NUAK1: variants seen among roughly 807,000 people sequenced by gnomAD.
NUAK1 encodes NUAK family SNF1-like kinase 1.
A neutral mutation model predicts 56.9 loss-of-function variants in NUAK1; 26 were observed. That is an observed-to-expected ratio of 0.46 (90% CI 0.33 to 0.63). The LOEUF (loss-of-function observed/expected upper bound fraction) is 0.63, where lower values mean the gene tolerates loss of function less well. NUAK1 is among the 30% of genes least tolerant of loss of function. The probability of loss-of-function intolerance (pLI) is 0.02; values close to 1 mark genes in which losing one functional copy is unlikely to be tolerated. For missense variants in NUAK1, 727 were observed against 876.1 expected (o/e 0.83, Z 2.15); for synonymous variants, 337 against 336.0 (o/e 1.00, Z -0.03).
intron 1 of NUAK1, among the ~76,000 whole-genome samples, chr12:106,108,482 T>A (rs747770856): frequency 6.7e-6 from 1 of 150,122 alleles, no homozygotes. Context: ...CCATTCAGTA[T>A]AGGGCAAGAA....
intron 4 of NUAK1, among the ~76,000 whole-genome samples, chr12:106,083,658 C>T (rs2032541360): frequency 1.3e-5 from 2 of 152,246 alleles, no homozygotes; most frequent in East Asian, 3.9e-4. Context: ...GAACAATGCC[C>T]GGCATATAGT....
Position 106,066,404 on chromosome 12 carries a change from T to G in NUAK1, c.*398A>C. 5.4e-6 allele frequency: 1 copy of G among 185,006 alleles called. No homozygotes were observed. The highest frequency in any genetic ancestry group is 1.1e-5 in the Non-Finnish European group (1 of 87,408). The allele number at this position is 185,006 out of a possible 1,614,324, so 11.5% of individuals were successfully genotyped here. On this transcript the variant is annotated 3_prime_UTR_variant, in exon 7 of 7. Transcript: ENST00000261402. ...TACAAGGAGAAAAGGGGCAAGTTCTTTGGGCTCACCCAAGGCAAACAGCCC... is the reference window on the plus strand; with the variant it reads ...TACAAGGAGAAAAGGGGCAAGTTCTGTGGGCTCACCCAAGGCAAACAGCCC...
intron 2 of NUAK1, among the ~76,000 whole-genome samples, chr12:106,102,921 C>T (rs2032763233): frequency 6.6e-6 from 1 of 152,334 alleles, no homozygotes; most frequent in East Asian, 1.9e-4. Flanking sequence ...CAGCTCCCTC[C>T]TGAGGCCTTG....
chr12:106,119,664 G>T (rs977969952), intron 1 of NUAK1, among the ~76,000 whole-genome samples: 3 of 152,140 alleles, frequency 2.0e-5, no homozygotes, highest in Admixed American at 6.5e-5. Context: ...CGAGTTTTCA[G>T]TATTGAGCAT....
intron 2 of NUAK1, 200 bp from the exon 3 acceptor site, chr12:106,087,085 C>T (rs2032580362): frequency 3.7e-6 from 2 of 542,398 alleles, no homozygotes; most frequent in Non-Finnish European, 6.4e-6. Flanking sequence ...TGTGTCACCA[C>T]CACTGTTCCT....
chr12:106,129,121 C>T (rs768097726), intron 1 of NUAK1, among the ~76,000 whole-genome samples: 3 of 152,302 alleles, frequency 2.0e-5, no homozygotes, highest in East Asian at 1.9e-4. Context: ...AAAAACTACC[C>T]GCCTGGAGCA....
Position 106,067,535 on chromosome 12 carries a change from T to C in NUAK1, c.1253A>G (p.Glu418Gly). 1 of 1,614,206 alleles carries C rather than the reference T, an allele frequency of 6.2e-7. No individual in the cohort carries two copies. Among genetic ancestry groups the C allele is most frequent in the Non-Finnish European group, 8.5e-7 (1 of 1,180,028 alleles). Reference sequence around the variant, plus strand: ...GGGTAAGGCAGGACCAACTACACCTTCAATGAAGCCAGTGCTGTGAGAGCG... The same window carrying C: ...GGGTAAGGCAGGACCAACTACACCTCCAATGAAGCCAGTGCTGTGAGAGCG... ...EHRSHSTGFIEGVVGPALPST... is the reference protein window; with the variant it reads ...EHRSHSTGFIGGVVGPALPST... The change falls in exon 7 of 7, where the codon GAA becomes GGA. Residue 418 changes from glutamate (E) to glycine (G), a missense_variant. Coordinates refer to ENST00000261402, the MANE Select transcript of NUAK1 (RefSeq NM_014840.3). The surrounding 1 kb of genome is among the most constrained non-coding windows in gnomAD (Gnocchi z 6.0).
chr12:106,133,440 G>A (rs2033099045), intron 1 of NUAK1, among the ~76,000 whole-genome samples: 1 of 152,166 alleles, frequency 6.6e-6, no homozygotes, highest in Admixed American at 6.5e-5. Context: ...GTCACCAGCT[G>A]TGCAACATTA....
At chr12:106,088,183 T>G (rs2032595205) in intron 2 of NUAK1, among the ~76,000 whole-genome samples, 1 of 152,236 alleles carries the variant, frequency 6.6e-6, no homozygotes, top group African/African-American at 2.4e-5. Context: ...TACTTTGGAC[T>G]TTCACATAAG....
intron 2 of NUAK1, among the ~76,000 whole-genome samples, chr12:106,091,153 G>C (rs998248827): frequency 6.6e-6 from 1 of 152,212 alleles, no homozygotes; most frequent in Admixed American, 6.5e-5. Flanking sequence ...CTGTGTTTAT[G>C]TTATTAGTCA....
chr12:106,070,835 A>G lies in NUAK1; in HGVS notation c.771T>C (p.Asp257=). The G allele has an allele frequency of 6.2e-7, 1 of 1,614,096 alleles. No homozygotes were observed. The highest frequency in any genetic ancestry group is 8.5e-7 in the Non-Finnish European group (1 of 1,180,030). ...VYGTMPFDGF[D]HKNLIRQISS... is the part of the protein sequence containing the mutation. Reference sequence around the variant, plus strand: ...TGATTTGCCGAATGAGGTTTTTGTGATCGAAACCATCGAAGGGCATTGTTC... The same window carrying G: ...TGATTTGCCGAATGAGGTTTTTGTGGTCGAAACCATCGAAGGGCATTGTTC... Residue 257 remains aspartate, a synonymous_variant, in exon 6 of 7, where the codon GAT becomes GAC. Coordinates refer to ENST00000261402, the MANE Select transcript of NUAK1 (RefSeq NM_014840.3).
In NUAK1 at chr12:106,138,394, T is replaced by C; in HGVS notation, c.240+20A>G. On this transcript the variant is annotated intron_variant, in intron 1 of 6. Coordinates refer to ENST00000261402, the MANE Select transcript of NUAK1 (RefSeq NM_014840.3). This position sits in a 1 kb window ranked among gnomAD's most constrained non-coding sequence, Gnocchi z 5.0. ...CGTCCACCCAGCGCCCCCCGCACCC[T>C]CCAGGATTGCCCCACTCACCACTCG... The C allele has an allele frequency of 6.3e-7, 1 of 1,591,942 alleles. No homozygotes were observed.
intron 2 of NUAK1, among the ~76,000 whole-genome samples, chr12:106,088,193 G>T (rs1311747926): frequency 3.3e-5 from 5 of 152,202 alleles, no homozygotes; most frequent in Admixed American, 1.3e-4. Context: ...TTTCACATAA[G>T]ATGTCCTTTG....
intron 1 of NUAK1, among the ~76,000 whole-genome samples, chr12:106,122,842 T>C (rs1447432613): frequency 1.3e-5 from 2 of 152,196 alleles, no homozygotes; most frequent in Non-Finnish European, 2.9e-5. Context: ...TGGTATATTT[T>C]AACAGGTGCA....
At chr12:106,082,449 C>A (rs2032526846) in intron 4 of NUAK1, among the ~76,000 whole-genome samples, 1 of 152,180 alleles carries the variant, frequency 6.6e-6, no homozygotes, top group African/African-American at 2.4e-5. Flanking sequence ...GTACTGTTAC[C>A]CCGTTTTACA....
Position 106,072,757 on chromosome 12 carries a change from C to T in NUAK1, c.666G>A (p.Glu222=), listed in dbSNP as rs202160019. Residue 222 remains glutamate, a synonymous_variant, in exon 5 of 7, where the codon GAG becomes GAA. Transcript: ENST00000261402. ...FCGSPLYASP[E]IVNGRPYRGP... ...CTCGGTAAGGTCTCCCATTGACAAT[C>T]TCAGGAGATGCATAGAGTGGACTCC... The T allele has an allele frequency of 7.4e-6, 12 of 1,613,914 alleles. No homozygotes were observed. Among genetic ancestry groups the T allele is most frequent in the Middle Eastern group, 1.6e-4 (1 of 6,062 alleles).
chr12:106,090,092 G>A (rs1006576391), intron 2 of NUAK1, among the ~76,000 whole-genome samples: 5 of 152,116 alleles, frequency 3.3e-5, no homozygotes, highest in African/African-American at 1.2e-4. Context: ...CCTCCTATTG[G>A]CATCCAGAAG....
chr12:106,101,137 C>G (rs2032742975), intron 2 of NUAK1, among the ~76,000 whole-genome samples: 2 of 152,204 alleles, frequency 1.3e-5, no homozygotes. Flanking sequence ...CTGCCACACT[C>G]CTTGCCCCCA....
chr12:106,090,736 G>A (rs552975347), intron 2 of NUAK1, among the ~76,000 whole-genome samples: 57 of 152,148 alleles, frequency 3.7e-4, no homozygotes, highest in Non-Finnish European at 6.8e-4. Flanking sequence ...ACGGTGCCCC[G>A]GCCAGTGCTC....
Sources: allele counts gnomAD v4.1 joint callset (sites outside exome capture counted in the v4.1 genomes callset), GRCh38; gene constraint gnomAD v4.1.1; non-coding constraint Gnocchi (gnomAD v3.1); transcripts MANE v1.5; gene names NCBI Gene and HGNC (gene_info 2026-07-23, HGNC 2026-07-21).